Variants in DNAAF9 observed in about 807,000 individuals in gnomAD.
The protein encoded by DNAAF9 is dynein axonemal assembly factor 9.
In DNAAF9, 90 loss-of-function variants were observed where a neutral mutation model predicts 167.0. That is an observed-to-expected ratio of 0.54 (90% CI 0.45 to 0.64). The LOEUF is 0.64. Ranked by LOEUF, DNAAF9 falls within the 30% of genes least tolerant of loss-of-function variation. The pLI, the probability that DNAAF9 is intolerant of heterozygous loss-of-function variation, is 0.00. For synonymous variants in DNAAF9, 491 were observed against 508.8 expected (o/e 0.96, Z 0.47); for missense variants, 1,315 against 1,442.2 (o/e 0.91, Z 1.43).
In DNAAF9 at chr20:3,259,995, A is replaced by G; in HGVS notation, c.2907T>C (p.Tyr969=). 1 of 1,612,200 alleles carries G rather than the reference A, an allele frequency of 6.2e-7. No individual in the cohort carries two copies. Among genetic ancestry groups the G allele is most frequent in the Non-Finnish European group, 8.5e-7 (1 of 1,178,208 alleles). ...ATACGCAGATCTGAACCATTAGGGGATAGACTGATCCAGCATTCAATTTAC... is the reference window on the plus strand; with the variant it reads ...ATACGCAGATCTGAACCATTAGGGGGTAGACTGATCCAGCATTCAATTTAC... ...YEGKLNAGSV[Y]PLMVQICVWF... The change falls in exon 32 of 37, where the codon TAT becomes TAC. Residue 969 remains tyrosine (Y), a synonymous_variant. Transcript: ENST00000252032.
chr20:3,297,198 G>A (rs2122952237), intron 22 of DNAAF9, among the ~76,000 whole-genome samples: 1 of 152,264 alleles, frequency 6.6e-6, no homozygotes, highest in Middle Eastern at 3.4e-3. Context: ...AAGGAGAAAG[G>A]GGTCGGGTAA....
At chr20:3,354,803 G>A (rs543757835) in intron 7 of DNAAF9, among the ~76,000 whole-genome samples, 2 of 152,192 alleles carry the variant, frequency 1.3e-5, no homozygotes, top group African/African-American at 2.4e-5. Flanking sequence ...TGGATGAGAA[G>A]TCCACTATCA....
chr20:3,328,869 C>CT lies in DNAAF9; in HGVS notation c.1100+1776dup, dbSNP rs572740669. On this transcript the variant is annotated intron_variant, in intron 12 of 36. Transcript: ENST00000252032. ...ACGTATACACACACACACAATTTTCCTTTTTTTTTTTTTTTTTTGAGATAG... is the reference window on the plus strand; with the variant it reads ...ACGTATACACACACACACAATTTTCCTTTTTTTTTTTTTTTTTTTGAGATAG... Among the ~76,000 whole-genome samples the CT allele has an allele frequency of 6.0e-3, 819 of 136,802 alleles. 6 individuals carry two copies. The highest frequency in any genetic ancestry group is 0.016 in the South Asian group (68 of 4,308). 89.7% of individuals were successfully genotyped at this position (136,802 alleles called of 152,430 possible).
chr20:3,400,606 T>C (rs1600933458), intron 1 of DNAAF9, among the ~76,000 whole-genome samples: 1 of 152,274 alleles, frequency 6.6e-6, no homozygotes, highest in African/African-American at 2.4e-5. Flanking sequence ...ATTTTAAATA[T>C]CCAAGTTGCA....
At chr20:3,260,315 C>T (rs888687006) in intron 31 of DNAAF9, among the ~76,000 whole-genome samples, 4 of 152,120 alleles carry the variant, frequency 2.6e-5, no homozygotes, top group Middle Eastern at 3.4e-3. Flanking sequence ...GTCCGCAGTC[C>T]GGCCTGGGCG....
At chr20:3,398,253 T>C (rs150427561) in intron 1 of DNAAF9, among the ~76,000 whole-genome samples, 316 of 152,318 alleles carry the variant, frequency 2.1e-3, no homozygotes, top group African/African-American at 6.8e-3. Flanking sequence ...AGAGACAGCA[T>C]AGACAGAGTT....
At chr20:3,361,926 T>C in intron 6 of DNAAF9, 3 of 1,515,448 alleles carry the variant, frequency 2.0e-6, no homozygotes, top group South Asian at 1.1e-5. Context: ...GAGTTTCATA[T>C]TTTCTTTAGA....
chr20:3,255,189 C>G, intron 35 of DNAAF9, 30 bp downstream of exon 35: 1 of 1,461,982 alleles, frequency 6.8e-7, no homozygotes, highest in Non-Finnish European at 9.4e-7. Flanking sequence ...CCTGGGCCAC[C>G]GAGGGGAGAA....
Position 3,376,491 on chromosome 20 carries a change from T to C in DNAAF9, c.284-189A>G, listed in dbSNP as rs1180517802. On this transcript the variant is annotated intron_variant, in intron 3 of 36. Transcript: ENST00000252032. ...AGTATCTGAGACAAGTCTCAATCAA[T>C]TTTGAAGTTTATTTTGCCAAGTTTA... is the stretch of plus-strand genomic sequence containing the variant. Among the ~76,000 whole-genome samples the C allele has an allele frequency of 2.0e-5, 3 of 152,344 alleles. No individual in the cohort carries two copies. The East Asian group carries it at 5.8e-4, about 29-fold the overall frequency.
chr20:3,397,931 C>T (rs1392869871), intron 1 of DNAAF9, among the ~76,000 whole-genome samples: 2 of 152,110 alleles, frequency 1.3e-5, no homozygotes, highest in Admixed American at 6.6e-5. Flanking sequence ...CAGGATTATG[C>T]CAGCCTCAGA....
chr20:3,309,162 T>G (rs891482669), intron 20 of DNAAF9, among the ~76,000 whole-genome samples: 2 of 152,170 alleles, frequency 1.3e-5, no homozygotes, highest in African/African-American at 4.8e-5. Flanking sequence ...TTATGTTGGC[T>G]TTTCAGGATT....
At chr20:3,290,408 C>T (rs778646641) in intron 25 of DNAAF9, among the ~76,000 whole-genome samples, 191 bp from the exon 26 acceptor site, 6 of 152,134 alleles carry the variant, frequency 3.9e-5, no homozygotes, top group Admixed American at 6.6e-5. Context: ...ACTGGGTTAA[C>T]ATAAGCAAAG....
At chr20:3,362,733 A>T (rs1046791938) in intron 6 of DNAAF9, among the ~76,000 whole-genome samples, 1 of 152,272 alleles carries the variant, frequency 6.6e-6, no homozygotes, top group African/African-American at 2.4e-5. Flanking sequence ...AGACAAATTC[A>T]CCCCGACTGA....
chr20:3,407,227 A>C (rs2084072997), intron 1 of DNAAF9, among the ~76,000 whole-genome samples: 1 of 152,018 alleles, frequency 6.6e-6, no homozygotes, highest in Admixed American at 6.6e-5. Flanking sequence ...ATTGTGGGGA[A>C]ACCGTTGCAG....
chr20:3,378,662 G>A (rs879442981), intron 3 of DNAAF9, among the ~76,000 whole-genome samples: 3 of 152,188 alleles, frequency 2.0e-5, no homozygotes, highest in African/African-American at 4.8e-5. Context: ...GATGCTGTCA[G>A]AGGTAAGAAA....
chr20:3,256,775 A>G (rs2068287910), intron 33 of DNAAF9, among the ~76,000 whole-genome samples: 1 of 152,180 alleles, frequency 6.6e-6, no homozygotes, highest in Non-Finnish European at 1.5e-5. Flanking sequence ...GTTATGGAAG[A>G]GGTGGTTGAG....
At chr20:3,380,972 T>A (rs966277024) in intron 3 of DNAAF9, among the ~76,000 whole-genome samples, 1 of 152,212 alleles carries the variant, frequency 6.6e-6, no homozygotes, top group Non-Finnish European at 1.5e-5. Flanking sequence ...CCTCAGCTGA[T>A]AAGCCACAAG....
chr20:3,292,528 A>G (rs941248527), intron 25 of DNAAF9, among the ~76,000 whole-genome samples: 1 of 152,092 alleles, frequency 6.6e-6, no homozygotes, highest in Admixed American at 6.6e-5. Context: ...GCACTTTGGG[A>G]GGCCGAGGCG....
At chr20:3,271,043 C>T (rs1018331829) in intron 29 of DNAAF9, among the ~76,000 whole-genome samples, 1 of 151,996 alleles carries the variant, frequency 6.6e-6, no homozygotes. Flanking sequence ...GAACTCCTGA[C>T]CTCAGGTGAT....
Sources: allele counts gnomAD v4.1 joint callset (sites outside exome capture counted in the v4.1 genomes callset), GRCh38; gene constraint gnomAD v4.1.1; transcripts MANE v1.5; gene names NCBI Gene and HGNC (gene_info 2026-07-23, HGNC 2026-07-21).